The following LIMCH1 variants were observed in gnomAD, a reference collection of about 807,000 sequenced individuals.
LIMCH1 encodes LIM and calponin homology domains-containing protein 1.
Under a neutral mutation model 176.5 loss-of-function variants are expected in LIMCH1, and 113 were observed. The observed-to-expected ratio is 0.64, with a 90% CI of 0.55 to 0.75. The LOEUF (loss-of-function observed/expected upper bound fraction) is 0.75. LIMCH1 is among the 30% of genes least tolerant of loss of function. LIMCH1 has a pLI of 0.00. For synonymous variants in LIMCH1, 619 were observed against 645.9 expected, an observed-to-expected ratio of 0.96 and a Z score of 0.63; for missense variants, 1,674 against 1,814.9, an observed-to-expected ratio of 0.92 and a Z score of 1.41.
rs549496616 is a variant in LIMCH1 at position 41,640,897 on chromosome 4, C to T, written c.2126+1930C>T. 8.5e-5 allele frequency among the ~76,000 whole-genome samples: 13 copies of T among 152,270 alleles called. No individual in the cohort carries two copies. In the South Asian group the frequency reaches 2.5e-3, roughly 29 times the overall value. On this transcript the variant is annotated intron_variant, in intron 14 of 31. Transcript: ENST00000503057. ...AACAGAGAAATTTCCACCTCCTAAC[C>T]AGCCAAGAATGTTTCCATAGATTTA...
At chr4:41,579,314 G>A (rs2085012752) in intron 1 of LIMCH1, among the ~76,000 whole-genome samples, 1 of 152,142 alleles carries the variant, frequency 6.6e-6, no homozygotes, top group Non-Finnish European at 1.5e-5. Flanking sequence ...CGGGCATAAT[G>A]TCACCACTTC....
chr4:41,447,949 C>A (rs1028438104), intron 1 of LIMCH1, among the ~76,000 whole-genome samples: 1 of 152,124 alleles, frequency 6.6e-6, no homozygotes, highest in African/African-American at 2.4e-5. Context: ...CACCACCACG[C>A]CTGGCTAATT....
intron 1 of LIMCH1, among the ~76,000 whole-genome samples, chr4:41,472,468 C>T (rs750623559): frequency 7.9e-5 from 12 of 151,778 alleles, no homozygotes; most frequent in Admixed American, 1.3e-4. Context: ...CACCCTGGCT[C>T]GAGTGCAGTG....
Position 41,619,261 on chromosome 4 carries a change from A to G in LIMCH1, c.279A>G (p.Ala93=). ...LPDVKKDDMS[A]RRTSHGEPKS... is the part of the protein sequence containing the mutation. ...ATGTGAAGAAGGATGACATGTCTGC[A>G]CGGCGGACTTCCCATGGTGAGCCGA... Residue 93 remains alanine, a synonymous_variant, in exon 6 of 32, where the codon GCA becomes GCG. Coordinates refer to ENST00000503057, the MANE Select transcript of LIMCH1 (RefSeq NM_001330672.2). The G allele has an allele frequency of 6.2e-7, 1 of 1,614,220 alleles. No homozygotes were observed.
At chr4:41,458,923 C>G (rs2064962430) in intron 1 of LIMCH1, among the ~76,000 whole-genome samples, 1 of 151,926 alleles carries the variant, frequency 6.6e-6, no homozygotes, top group African/African-American at 2.4e-5. Flanking sequence ...CTTATATGAA[C>G]TTTTGAGGCA....
intron 1 of LIMCH1, among the ~76,000 whole-genome samples, chr4:41,573,542 A>G (rs2083909902): frequency 6.6e-6 from 1 of 152,176 alleles, no homozygotes. Flanking sequence ...TATATTGTTA[A>G]GTATTCTTCG....
chr4:41,405,893 T>A (rs1487636505), intron 1 of LIMCH1, among the ~76,000 whole-genome samples: 1 of 152,122 alleles, frequency 6.6e-6, no homozygotes, highest in East Asian at 1.9e-4. Flanking sequence ...CAGAAAGTAG[T>A]TGTGGAATGG....
intron 26 of LIMCH1, among the ~76,000 whole-genome samples, chr4:41,683,468 TC>T (rs1486225542): frequency 1.3e-5 from 2 of 152,296 alleles, no homozygotes; most frequent in African/African-American, 4.8e-5. Context: ...ACCAACATGT[TC>T]TTCATGAGAA....
At chr4:41,666,693 T>G (rs1355225439) in intron 21 of LIMCH1, 27 bp downstream of exon 21, 1 of 1,424,974 alleles carries the variant, frequency 7.0e-7, no homozygotes, top group East Asian at 2.3e-5. Context: ...TTATTTTAGG[T>G]CTGCATGTTC....
intron 1 of LIMCH1, among the ~76,000 whole-genome samples, chr4:41,494,013 C>T (rs56929526): frequency 0.059 from 8,977 of 152,082 alleles, 311 homozygotes; most frequent in Non-Finnish European, 0.07. Flanking sequence ...GTGTGCTTTC[C>T]CCAGGCTTTT....
At chr4:41,695,908 T>C (rs945111572) in intron 31 of LIMCH1, among the ~76,000 whole-genome samples, 2 of 151,386 alleles carry the variant, frequency 1.3e-5, no homozygotes, top group African/African-American at 4.8e-5. Flanking sequence ...AATAAAAGAG[T>C]CAGAATGGGA....
At chr4:41,592,705 G>A (rs908163462) in intron 1 of LIMCH1, among the ~76,000 whole-genome samples, 4 of 152,190 alleles carry the variant, frequency 2.6e-5, no homozygotes, top group Non-Finnish European at 5.9e-5. Context: ...CAGGTCGATA[G>A]CATCCCCCAC....
intron 1 of LIMCH1, among the ~76,000 whole-genome samples, chr4:41,553,104 G>T (rs112333630): frequency 5.7e-4 from 87 of 152,310 alleles, no homozygotes; most frequent in African/African-American, 2.0e-3. Context: ...CCCTTCTGGA[G>T]TGATGGCCAG....
At chr4:41,371,992 C>T (rs1189304244) in intron 1 of LIMCH1, among the ~76,000 whole-genome samples, 1 of 152,168 alleles carries the variant, frequency 6.6e-6, no homozygotes, top group African/African-American at 2.4e-5. Context: ...TTTGTACCAC[C>T]AAATAGCAGT....
At chr4:41,506,464 G>A (rs1333116314) in intron 2 of LIMCH1, among the ~76,000 whole-genome samples, 1 of 152,038 alleles carries the variant, frequency 6.6e-6, no homozygotes, top group East Asian at 1.9e-4. Flanking sequence ...ACCAAATTAG[G>A]CACCAAGAGG....
intron 1 of LIMCH1, among the ~76,000 whole-genome samples, chr4:41,371,598 G>T (rs566311880): frequency 6.6e-6 from 1 of 152,052 alleles, no homozygotes; most frequent in East Asian, 1.9e-4. Flanking sequence ...AGTTCTTTGC[G>T]TATGGTATTC....
chr4:41,684,551 T>A, intron 27 of LIMCH1, 33 bp downstream of exon 27: 1 of 1,608,764 alleles, frequency 6.2e-7, no homozygotes. Flanking sequence ...TCATTCAATG[T>A]TTAAATTGTT....
At chr4:41,419,167 CATTTT>C (rs2060217583) in intron 1 of LIMCH1, among the ~76,000 whole-genome samples, 3 of 31,432 alleles carry the variant, frequency 9.5e-5, no homozygotes, top group Non-Finnish European at 1.3e-4. Context: ...TATTTTATTT[CATTTT>C]ATTTTATTTA....
At position 41,388,799 on chromosome 4, in the gene LIMCH1, C is replaced by T. The variant is rs186573869; in HGVS notation, c.96+27863C>T. On this transcript the variant is annotated intron_variant, in intron 1 of 26. Coordinates refer to the LIMCH1 transcript ENST00000313860. Reference sequence around the variant, plus strand: ...CTGGGATTACAGGCACCTGCCACCACGCCCAACTAATTTTTATATTTTTAA... The same window carrying T: ...CTGGGATTACAGGCACCTGCCACCATGCCCAACTAATTTTTATATTTTTAA... Among the ~76,000 whole-genome samples, 643 of 152,276 alleles carry T rather than the reference C, an allele frequency of 4.2e-3. 2 individuals carry two copies. The highest frequency in any genetic ancestry group is 0.02 in the Middle Eastern group (6 of 294).
Sources: allele counts gnomAD v4.1 joint callset (sites outside exome capture counted in the v4.1 genomes callset), GRCh38; gene constraint gnomAD v4.1.1; transcripts MANE v1.5; gene names NCBI Gene and HGNC (gene_info 2026-07-23, HGNC 2026-07-21).